The following PAPPA variants were observed in gnomAD, a reference collection of about 807,000 sequenced individuals.
The protein encoded by PAPPA is pappalysin 1, also known as pappalysin-1.
PAPPA carries 60 observed loss-of-function variants against 164.0 expected under a neutral mutation model. That is an observed-to-expected ratio of 0.37 (90% CI 0.30 to 0.45). The LOEUF (loss-of-function observed/expected upper bound fraction) is 0.45. Among genes scored for constraint, PAPPA ranks in the 20% least tolerant of loss-of-function variants. PAPPA has a pLI of 1.00. For synonymous variants in PAPPA, 875 were observed against 814.1 expected, an observed-to-expected ratio of 1.07 and a Z score of -1.27; for missense variants, 1,782 against 2,087.3, an observed-to-expected ratio of 0.85 and a Z score of 2.85.
At chr9:116,223,805 C>T (rs1844473098) in intron 5 of PAPPA, among the ~76,000 whole-genome samples, 1 of 152,178 alleles carries the variant, frequency 6.6e-6, no homozygotes, top group African/African-American at 2.4e-5. Context: ...CATTTCCCGT[C>T]CTCAGCTTTA....
chr9:116,395,746 C>T (rs1846954160), intron 21 of PAPPA, among the ~76,000 whole-genome samples: 1 of 152,148 alleles, frequency 6.6e-6, no homozygotes. Flanking sequence ...CTTCCCAGGT[C>T]CTTCAAATTT....
chr9:116,370,834 A>C (rs1401724878), intron 19 of PAPPA, among the ~76,000 whole-genome samples: 1 of 152,242 alleles, frequency 6.6e-6, no homozygotes, highest in Non-Finnish European at 1.5e-5. Context: ...TTGTGAAGGC[A>C]GGACCACGGT....
At chr9:116,395,680 C>T (rs998462984) in intron 21 of PAPPA, among the ~76,000 whole-genome samples, 3 of 152,180 alleles carry the variant, frequency 2.0e-5, no homozygotes, top group Non-Finnish European at 4.4e-5. Context: ...CATGAAGGAA[C>T]GAACTGGCAA....
intron 13 of PAPPA, among the ~76,000 whole-genome samples, chr9:116,340,097 G>A (rs1423073805): frequency 6.6e-6 from 1 of 152,152 alleles, no homozygotes; most frequent in Non-Finnish European, 1.5e-5. Flanking sequence ...CATCCAATCA[G>A]CCACCTTTCT....
chr9:116,204,145 G>A (rs913083946), intron 2 of PAPPA, among the ~76,000 whole-genome samples: 1 of 152,122 alleles, frequency 6.6e-6, no homozygotes, highest in African/African-American at 2.4e-5. Context: ...ATCCTGTTGG[G>A]ATCCGCATGA....
intron 13 of PAPPA, among the ~76,000 whole-genome samples, chr9:116,336,105 C>A (rs575832447): frequency 6.6e-6 from 1 of 152,090 alleles, no homozygotes; most frequent in Non-Finnish European, 1.5e-5. Context: ...GAAGAACTTG[C>A]GCAGAGTTGC....
intron 19 of PAPPA, among the ~76,000 whole-genome samples, chr9:116,377,021 A>G (rs1846662496): frequency 6.6e-6 from 1 of 152,112 alleles, no homozygotes; most frequent in Non-Finnish European, 1.5e-5. Flanking sequence ...AGAGAGTCCA[A>G]TTCATTAAAT....
chr9:116,396,596 CG>C lies in PAPPA; in HGVS notation c.4868del (p.Gly1623AspfsTer26). On this transcript the variant is annotated frameshift_variant, in exon 22 of 22. Transcript: ENST00000328252. LOFTEE classifies it high-confidence loss of function. ...QAQEHSRKDL[R>X]GYSHG ...CCAAGAACACAGCCGGAAAGACCTC[CG>C]GGGATACAGCCATGGCTAAGGAAGG... The C allele has an allele frequency of 1.3e-6, 1 of 780,816 alleles. No homozygotes were observed. The highest frequency in any genetic ancestry group is 1.3e-5 in the South Asian group (1 of 74,600). The allele number at this position is 780,816 out of a possible 1,614,324, so 48.4% of individuals were successfully genotyped here.
At chr9:116,262,215 AAAT>A (rs1401900025) in intron 7 of PAPPA, among the ~76,000 whole-genome samples, 5 of 152,040 alleles carry the variant, frequency 3.3e-5, no homozygotes, top group Admixed American at 3.3e-4. Context: ...AAAAAAAAAA[AAAT>A]CGCAAAGATT....
intron 12 of PAPPA, among the ~76,000 whole-genome samples, chr9:116,333,298 C>T (rs1444184079): frequency 2.6e-5 from 4 of 152,192 alleles, no homozygotes; most frequent in Non-Finnish European, 5.9e-5. Context: ...ACCTTAGAGT[C>T]AGAGTGCACT....
At chr9:116,273,571 A>G (rs754214413) in intron 9 of PAPPA, among the ~76,000 whole-genome samples, 1 of 152,184 alleles carries the variant, frequency 6.6e-6, no homozygotes, top group Non-Finnish European at 1.5e-5. Flanking sequence ...GGTGAAAATT[A>G]TAATGTGGTT....
chr9:116,258,651 G>C (rs895064887), intron 7 of PAPPA, among the ~76,000 whole-genome samples: 3 of 151,338 alleles, frequency 2.0e-5, no homozygotes, highest in African/African-American at 4.9e-5. Flanking sequence ...AGCAAAAATA[G>C]ACCGATGAAA....
At chr9:116,334,167 T>C (rs150120101) in intron 12 of PAPPA, among the ~76,000 whole-genome samples, 1 of 151,392 alleles carries the variant, frequency 6.6e-6, no homozygotes, top group Non-Finnish European at 1.5e-5. Context: ...CCTTTCCTTC[T>C]GTCCCTTGTG....
Position 116,362,581 on chromosome 9 carries a change from C to G in PAPPA, c.4348-11C>G. 6.2e-7 allele frequency: 1 copy of G among 1,611,688 alleles called. No homozygotes were observed. The highest frequency in any genetic ancestry group is 8.5e-7 in the Non-Finnish European group (1 of 1,178,764). ...CTCTCTTGGTCCTAACTCTGTTTCT[C>G]TGTTGTTCAGGGACTTGGGAGCAAT... On this transcript the variant is annotated splice_polypyrimidine_tract_variant and intron_variant, in intron 17 of 21. Coordinates refer to ENST00000328252, the MANE Select transcript of PAPPA (RefSeq NM_002581.5).
intron 9 of PAPPA, among the ~76,000 whole-genome samples, chr9:116,302,274 G>C (rs1400454785): frequency 6.6e-6 from 1 of 151,976 alleles, no homozygotes; most frequent in Non-Finnish European, 1.5e-5. Context: ...TATTTTAAAT[G>C]TAAAGTACAA....
intron 2 of PAPPA, among the ~76,000 whole-genome samples, chr9:116,199,438 C>G (rs568508793): frequency 7.6e-4 from 115 of 152,282 alleles, no homozygotes; most frequent in African/African-American, 2.7e-3. Flanking sequence ...AGATTTTTCC[C>G]CATGTGTGAA....
At chr9:116,393,146 G>A (rs956273283) in intron 21 of PAPPA, among the ~76,000 whole-genome samples, 2 of 152,196 alleles carry the variant, frequency 1.3e-5, no homozygotes, top group Admixed American at 1.3e-4. Flanking sequence ...TTTTGGAGAA[G>A]CTGATTGAAC....
intron 12 of PAPPA, among the ~76,000 whole-genome samples, chr9:116,333,905 T>C (rs1457492128): frequency 6.6e-6 from 1 of 152,078 alleles, no homozygotes; most frequent in Non-Finnish European, 1.5e-5. Context: ...CATCCCAGCA[T>C]TCTCCGAGGC....
Position 116,344,624 on chromosome 9 carries a change from C to A in PAPPA, c.3693C>A (p.Asp1231Glu), listed in dbSNP as rs1846183139. Residue 1231 changes from aspartate to glutamate, a missense_variant, in exon 14 of 22, where the codon GAC becomes GAA. Physicochemically the swap from Asp to Glu is conservative, Grantham distance 45. Around this residue, in one of 2 missense-constraint regions of PAPPA, gnomAD observed 1,324 missense variants for 1,656.9 expected, o/e 0.80. Coordinates refer to ENST00000328252, the MANE Select transcript of PAPPA (RefSeq NM_002581.5). ...CTTCTCTCAATTGCTCCAGCAGCGA[C>A]CGCTACCACGGTGCCCAGTGTACTG... Reference protein sequence around the residue: ...ENASLNCSSSDRYHGAQCTVS... With the variant: ...ENASLNCSSSERYHGAQCTVS... 1 of 1,614,060 alleles carries A rather than the reference C, an allele frequency of 6.2e-7. No individual in the cohort carries two copies. Among genetic ancestry groups the A allele is most frequent in the South Asian group, 1.1e-5 (1 of 91,094 alleles).
Sources: allele counts gnomAD v4.1 joint callset (sites outside exome capture counted in the v4.1 genomes callset), GRCh38; gene constraint gnomAD v4.1.1; regional missense constraint gnomAD v4.1.1; transcripts MANE v1.5; gene names NCBI Gene and HGNC (gene_info 2026-07-23, HGNC 2026-07-21).